The following STK40 variants were observed in gnomAD, a reference collection of about 807,000 sequenced individuals.
STK40 encodes serine/threonine-protein kinase 40.
A neutral mutation model predicts 47.9 loss-of-function variants in STK40; 13 were observed. That is an observed-to-expected ratio of 0.27 (90% confidence interval 0.18 to 0.43). STK40 has a LOEUF of 0.43. STK40 is among the 20% of genes least tolerant of loss of function. The pLI is 1.00. For missense variants in STK40, 460 were observed against 595.1 expected (o/e 0.77, Z 2.36); for synonymous variants, 225 against 243.2 (o/e 0.93, Z 0.69).
intron 1 of STK40, among the ~76,000 whole-genome samples, chr1:36,371,415 G>A (rs369731636): frequency 5.3e-5 from 8 of 151,268 alleles, no homozygotes; most frequent in African/African-American, 7.3e-5. Flanking sequence ...TTAGCCGGGC[G>A]TGCTGGTGGG....
At chr1:36,345,989 A>ATTTTTTT (rs1330462605) in intron 7 of STK40, among the ~76,000 whole-genome samples, 408 of 19,474 alleles carry the variant, frequency 0.021, 6 homozygotes, top group Middle Eastern at 0.05. Context: ...ATATATATAT[A>ATTTTTTT]TATTTTTTTT....
At chr1:36,361,912 CT>C (rs1260793338) in intron 1 of STK40, among the ~76,000 whole-genome samples, 1 of 152,188 alleles carries the variant, frequency 6.6e-6, no homozygotes, top group Non-Finnish European at 1.5e-5. Context: ...CTGAGAACCC[CT>C]CTCCCCATCT....
chr1:36,368,743 C>A (rs1421296189), intron 1 of STK40, among the ~76,000 whole-genome samples: 1 of 152,040 alleles, frequency 6.6e-6, no homozygotes, highest in Non-Finnish European at 1.5e-5. Context: ...AATGGGTGAT[C>A]TGGGAGAAAA....
At position 36,361,201 on chromosome 1, in the gene STK40, C is replaced by T; in HGVS notation, c.112+20G>A. The T allele has an allele frequency of 6.2e-7, 1 of 1,613,370 alleles. No individual in the cohort carries two copies. On this transcript the variant is annotated intron_variant, in intron 2 of 10. Transcript: ENST00000373132. The stretch of plus-strand genomic sequence containing the variant: ...CCTGCCTCCCAGCCCACCCATTTTT[C>T]CCAAAGGTCAGAGGCTTACCAAGGA...
intron 3 of STK40, 132 bp from the exon 4 acceptor site, chr1:36,358,514 G>C (rs1182088491): frequency 7.6e-7 from 1 of 1,321,024 alleles, no homozygotes; most frequent in Non-Finnish European, 1.0e-6. Context: ...AACACACCAA[G>C]TGAAATCGTT....
intron 1 of STK40, among the ~76,000 whole-genome samples, chr1:36,378,488 C>G (rs1647010710): frequency 6.6e-6 from 1 of 151,644 alleles, no homozygotes; most frequent in African/African-American, 2.4e-5. Context: ...GAGACGGAGT[C>G]TTGCTCTGTC....
At chr1:36,375,896 C>T (rs1646988236) in intron 1 of STK40, among the ~76,000 whole-genome samples, 2 of 152,054 alleles carry the variant, frequency 1.3e-5, no homozygotes, top group South Asian at 4.1e-4. Context: ...GTGGTGCTTG[C>T]CTATAATCCC....
intron 10 of STK40, 27 bp downstream of exon 10, chr1:36,343,337 A>G: frequency 6.2e-7 from 1 of 1,604,496 alleles, no homozygotes; most frequent in Non-Finnish European, 8.5e-7. Flanking sequence ...GGGCTGGGTA[A>G]TGGCCCATCT....
intron 1 of STK40, among the ~76,000 whole-genome samples, chr1:36,367,373 G>A (rs1211309298): frequency 6.6e-6 from 1 of 152,230 alleles, no homozygotes; most frequent in Non-Finnish European, 1.5e-5. Context: ...GCCTCAGTGT[G>A]AGAGGGCCTC....
chr1:36,356,563 A>C (rs4652907), intron 4 of STK40, among the ~76,000 whole-genome samples: 150,183 of 151,716 alleles, frequency 0.99, 74,353 homozygotes, highest in Middle Eastern at 1. Context: ...GTAGCTGGGA[A>C]TACAGGTGCC....
In STK40 at chr1:36,341,462, G is replaced by C. The variant is rs1421057996; in HGVS notation, c.*293C>G. On this transcript the variant is annotated 3_prime_UTR_variant, in exon 11 of 11. Coordinates refer to ENST00000373132, the MANE Select transcript of STK40 (RefSeq NM_001282547.2). ...CAGGCTCCCTCCTCCCTCTTGCTCA[G>C]TCCAGAGACAGCATGGTTAAAGAGA... 4.9e-6 allele frequency: 2 copies of C among 404,536 alleles called. No individual in the cohort carries two copies. Among genetic ancestry groups the C allele is most frequent in the African/African-American group, 4.1e-5 (2 of 48,994 alleles). The allele number at this position is 404,536 out of a possible 1,614,324, so 25.1% of individuals were successfully genotyped here.
intron 7 of STK40, among the ~76,000 whole-genome samples, chr1:36,347,589 C>T (rs1553135427): frequency 6.6e-6 from 1 of 151,816 alleles, no homozygotes; most frequent in Non-Finnish European, 1.5e-5. Flanking sequence ...ACGCGAGTCA[C>T]GCTCAGCACA....
In STK40 at chr1:36,358,725, T is replaced by C. The variant is rs773303216; in HGVS notation, c.198+12A>G. On this transcript the variant is annotated intron_variant, in intron 3 of 10. Transcript: ENST00000373132. ...TGTTCCTGAGGCACCCTCACCCCCATGTCTCACTTACCTTCAGCTGATAGA... is the reference window on the plus strand; with the variant it reads ...TGTTCCTGAGGCACCCTCACCCCCACGTCTCACTTACCTTCAGCTGATAGA... The C allele has an allele frequency of 5.0e-6, 8 of 1,613,842 alleles. No individual in the cohort carries two copies. Among genetic ancestry groups the C allele is most frequent in the South Asian group, 2.2e-5 (2 of 91,076 alleles).
intron 1 of STK40, among the ~76,000 whole-genome samples, chr1:36,366,639 C>A (rs1418465936): frequency 6.6e-6 from 1 of 152,036 alleles, no homozygotes; most frequent in Non-Finnish European, 1.5e-5. Context: ...TCAGAGGGAT[C>A]CCGGCTTCAC....
chr1:36,347,613 G>A (rs960513196), intron 7 of STK40, among the ~76,000 whole-genome samples: 1 of 152,000 alleles, frequency 6.6e-6, no homozygotes, highest in Non-Finnish European at 1.5e-5. Context: ...TCTGGAACTT[G>A]GAAATCAGAT....
chr1:36,363,987 T>C (rs1050279169), intron 1 of STK40, among the ~76,000 whole-genome samples: 7 of 149,234 alleles, frequency 4.7e-5, no homozygotes, highest in Non-Finnish European at 8.9e-5. Context: ...CTGTCTCTAC[T>C]AAAAATACAA....
intron 7 of STK40, among the ~76,000 whole-genome samples, chr1:36,346,009 T>TTTTTTTTTTTTTC (rs1436531127): frequency 8.2e-6 from 1 of 122,046 alleles, no homozygotes; most frequent in Non-Finnish European, 1.6e-5. Context: ...TTTTTTTTTT[T>TTTTTTTTTTTTTC]CCTGAGACAG....
chr1:36,350,533 A>C (rs764700423), intron 6 of STK40, among the ~76,000 whole-genome samples: 7 of 152,162 alleles, frequency 4.6e-5, no homozygotes, highest in Non-Finnish European at 8.8e-5. Flanking sequence ...CTAAACCTCA[A>C]TTTCCTCATG....
At chr1:36,363,747 G>A (rs1473870261) in intron 1 of STK40, among the ~76,000 whole-genome samples, 1 of 151,102 alleles carries the variant, frequency 6.6e-6, no homozygotes, top group African/African-American at 2.4e-5. Flanking sequence ...CCTGGGAGGC[G>A]GAGCTTGCAG....
Sources: allele counts gnomAD v4.1 joint callset (sites outside exome capture counted in the v4.1 genomes callset), GRCh38; gene constraint gnomAD v4.1.1; transcripts MANE v1.5; gene names NCBI Gene and HGNC (gene_info 2026-07-23, HGNC 2026-07-21).